The following MAPKAP1 variants were observed in gnomAD, a reference collection of about 807,000 sequenced individuals.
MAPKAP1 encodes the protein MAPK associated protein 1, also known as target of rapamycin complex 2 subunit MAPKAP1.
MAPKAP1 carries 20 observed loss-of-function variants against 65.7 expected under a neutral mutation model. That is an observed-to-expected ratio of 0.30 (90% CI 0.21 to 0.44). The LOEUF is 0.44. MAPKAP1 is among the 20% of genes least tolerant of loss of function. The pLI is 1.00. For missense variants in MAPKAP1, 423 were observed against 648.0 expected (o/e 0.65, Z 3.77); for synonymous variants, 222 against 244.3 (o/e 0.91, Z 0.85).
chr9:125,473,643 T>C (rs1854004485), intron 9 of MAPKAP1, among the ~76,000 whole-genome samples: 1 of 152,172 alleles, frequency 6.6e-6, no homozygotes, highest in Non-Finnish European at 1.5e-5. Context: ...CTAACCAAGA[T>C]TTCCATAAAA....
intron 10 of MAPKAP1, among the ~76,000 whole-genome samples, chr9:125,462,234 C>A (rs985213382): frequency 7.9e-5 from 12 of 152,222 alleles, no homozygotes; most frequent in African/African-American, 1.7e-4. Context: ...ATTTCAGTAA[C>A]AAGCATGAAT....
At chr9:125,636,351 T>C (rs1029842808) in intron 4 of MAPKAP1, among the ~76,000 whole-genome samples, 29 of 152,188 alleles carry the variant, frequency 1.9e-4, no homozygotes, top group African/African-American at 6.5e-4. Flanking sequence ...CCAAACACTT[T>C]AAAAACACTA....
intron 7 of MAPKAP1, among the ~76,000 whole-genome samples, chr9:125,511,168 CATCAT>C (rs1564536716): frequency 0.016 from 647 of 41,378 alleles, 6 homozygotes; most frequent in African/African-American, 0.054. Context: ...TCATCACCAT[CATCAT>C]CATCATCATC....
At chr9:125,598,904 G>A (rs1355167426) in intron 4 of MAPKAP1, among the ~76,000 whole-genome samples, 1 of 151,862 alleles carries the variant, frequency 6.6e-6, no homozygotes, top group Non-Finnish European at 1.5e-5. Flanking sequence ...GCCAGGCGTG[G>A]TGGCAGGCAC....
At chr9:125,624,069 T>C (rs1589355568) in intron 4 of MAPKAP1, among the ~76,000 whole-genome samples, 1 of 22,304 alleles carries the variant, frequency 4.5e-5, no homozygotes, top group Non-Finnish European at 1.3e-4. Context: ...CCGCCCCGTC[T>C]GGGAGGTGAG....
At chr9:125,697,903 C>T (rs1327033215) in intron 1 of MAPKAP1, among the ~76,000 whole-genome samples, 4 of 151,994 alleles carry the variant, frequency 2.6e-5, no homozygotes, top group African/African-American at 4.8e-5. Flanking sequence ...TATCATAACA[C>T]TATACCTATA....
intron 5 of MAPKAP1, among the ~76,000 whole-genome samples, chr9:125,575,153 A>G (rs1487654473): frequency 6.6e-6 from 1 of 152,154 alleles, no homozygotes; most frequent in African/African-American, 2.4e-5. Flanking sequence ...GGAATTCAAG[A>G]CCACCCAAGG....
At chr9:125,576,085 G>T (rs535330229) in intron 5 of MAPKAP1, among the ~76,000 whole-genome samples, 4 of 152,130 alleles carry the variant, frequency 2.6e-5, no homozygotes, top group Admixed American at 6.6e-5. Flanking sequence ...GTCTGAAAAG[G>T]CTACATATGG....
At chr9:125,700,492 T>C (rs1458901080) in intron 1 of MAPKAP1, among the ~76,000 whole-genome samples, 1 of 152,250 alleles carries the variant, frequency 6.6e-6, no homozygotes, top group African/African-American at 2.4e-5. Flanking sequence ...GCAATTACTA[T>C]AACTTAATTC....
chr9:125,621,816 C>A (rs1331532021), intron 4 of MAPKAP1, among the ~76,000 whole-genome samples: 1 of 152,094 alleles, frequency 6.6e-6, no homozygotes, highest in East Asian at 1.9e-4. Flanking sequence ...ATATTTGATG[C>A]AAAAGGGTAT....
At chr9:125,453,772 A>G (rs1218511766) in intron 10 of MAPKAP1, among the ~76,000 whole-genome samples, 1 of 152,236 alleles carries the variant, frequency 6.6e-6, no homozygotes, top group Non-Finnish European at 1.5e-5. Context: ...AAATGTTGAC[A>G]TATTTCATTT....
At chr9:125,591,619 AATG>A (rs1269774955) in intron 4 of MAPKAP1, among the ~76,000 whole-genome samples, 2 of 152,212 alleles carry the variant, frequency 1.3e-5, no homozygotes, top group Non-Finnish European at 2.9e-5. Context: ...ATCTTGAGGA[AATG>A]ATGATGGGAA....
chr9:125,449,815 G>A (rs180849729), intron 10 of MAPKAP1, among the ~76,000 whole-genome samples: 4 of 152,294 alleles, frequency 2.6e-5, no homozygotes, highest in East Asian at 1.9e-4. Flanking sequence ...GTCATGAGAT[G>A]GGATGGCTTA....
At chr9:125,587,126 C>A (rs957175721) in intron 4 of MAPKAP1, among the ~76,000 whole-genome samples, 4 of 152,154 alleles carry the variant, frequency 2.6e-5, no homozygotes, top group Non-Finnish European at 5.9e-5. Flanking sequence ...AATCAAAGAT[C>A]TAGATGTAAG....
chr9:125,598,714 G>C (rs190775485), intron 4 of MAPKAP1, among the ~76,000 whole-genome samples: 3 of 152,212 alleles, frequency 2.0e-5, no homozygotes, highest in Non-Finnish European at 2.9e-5. Flanking sequence ...GATAATAAAA[G>C]TACCTCCTTA....
chr9:125,585,959 G>A (rs1364846419), intron 4 of MAPKAP1, among the ~76,000 whole-genome samples: 1 of 152,080 alleles, frequency 6.6e-6, no homozygotes, highest in Non-Finnish European at 1.5e-5. Context: ...GAAGGTAAAT[G>A]GGCACTACAA....
chr9:125,493,266 C>A (rs1268687801), intron 8 of MAPKAP1, among the ~76,000 whole-genome samples: 1 of 152,234 alleles, frequency 6.6e-6, no homozygotes. Context: ...TTCAGCTAAA[C>A]TGGACTCTGC....
chr9:125,620,804 G>T (rs867075833), intron 4 of MAPKAP1, among the ~76,000 whole-genome samples: 1 of 152,156 alleles, frequency 6.6e-6, no homozygotes. Context: ...AGAAAAATAA[G>T]TATATTTTCA....
At chr9:125,501,029 G>A (rs1828963337) in intron 8 of MAPKAP1, among the ~76,000 whole-genome samples, 1 of 152,042 alleles carries the variant, frequency 6.6e-6, no homozygotes, top group Admixed American at 6.6e-5. Context: ...TACTAGATAT[G>A]GTATGAAATT....
Sources: allele counts gnomAD v4.1 joint callset (sites outside exome capture counted in the v4.1 genomes callset), GRCh38; gene constraint gnomAD v4.1.1; transcripts MANE v1.5; gene names NCBI Gene and HGNC (gene_info 2026-07-23, HGNC 2026-07-21).